MACROD2: variants seen among roughly 807,000 people sequenced by gnomAD.
MACROD2 encodes the protein mono-ADP ribosylhydrolase 2.
In MACROD2, 36 loss-of-function variants were observed where a neutral mutation model predicts 70.4. The observed-to-expected ratio is 0.51, with a 90% CI of 0.39 to 0.68. The LOEUF (loss-of-function observed/expected upper bound fraction) is 0.68. Among genes scored for constraint, MACROD2 ranks in the 30% least tolerant of loss-of-function variants. The probability of loss-of-function intolerance (pLI) is 0.00; values close to 1 mark genes in which losing one functional copy is unlikely to be tolerated. For synonymous variants in MACROD2, 172 were observed against 178.8 expected, an observed-to-expected ratio of 0.96 and a Z score of 0.30; for missense variants, 496 against 538.4, an observed-to-expected ratio of 0.92 and a Z score of 0.78.
intron 2 of MACROD2, among the ~76,000 whole-genome samples, chr20:14,044,014 A>G (rs1469492322): frequency 6.6e-6 from 1 of 152,244 alleles, no homozygotes; most frequent in Admixed American, 6.5e-5. Context: ...CGAGAAAGAC[A>G]CTGTGTCCTG....
intron 3 of MACROD2, among the ~76,000 whole-genome samples, chr20:14,187,786 CCTAT>C (rs2081356924): frequency 6.6e-6 from 1 of 152,130 alleles, no homozygotes; most frequent in African/African-American, 2.4e-5. Flanking sequence ...CTGTGCTCAG[CCTAT>C]CTGTTGGGAT....
At chr20:15,449,767 C>T (rs891978768) in intron 7 of MACROD2, among the ~76,000 whole-genome samples, 3 of 151,986 alleles carry the variant, frequency 2.0e-5, no homozygotes, top group Admixed American at 6.6e-5. Context: ...CCAAGGTGGG[C>T]GGATCACCTG....
At chr20:14,860,511 T>C (rs1490134468) in intron 5 of MACROD2, among the ~76,000 whole-genome samples, 2 of 152,070 alleles carry the variant, frequency 1.3e-5, no homozygotes, top group African/African-American at 4.8e-5. Context: ...CCGCTGCACC[T>C]CCCTCCCGGC....
intron 3 of MACROD2, among the ~76,000 whole-genome samples, chr20:14,234,637 G>T (rs1260479159): frequency 1.3e-5 from 2 of 152,140 alleles, no homozygotes; most frequent in African/African-American, 2.4e-5. Flanking sequence ...CTTTGCAGAT[G>T]AAATGGTTTC....
At chr20:15,972,547 C>T (rs576135659) in intron 13 of MACROD2, among the ~76,000 whole-genome samples, 214 of 152,288 alleles carry the variant, frequency 1.4e-3, no homozygotes, top group Middle Eastern at 3.4e-3. Context: ...CAGTGGCTTA[C>T]GCCAGTAATC....
At chr20:15,546,226 C>A (rs1012429458) in intron 8 of MACROD2, among the ~76,000 whole-genome samples, 1 of 152,124 alleles carries the variant, frequency 6.6e-6, no homozygotes, top group Non-Finnish European at 1.5e-5. Context: ...GCCTGGGCAA[C>A]AAGAGCAAAA....
chr20:15,111,134 A>AT (rs1356987249), intron 5 of MACROD2, among the ~76,000 whole-genome samples: 1 of 148,032 alleles, frequency 6.8e-6, no homozygotes, highest in African/African-American at 2.5e-5. Flanking sequence ...TATTTCAGAT[A>AT]TTTTTTACTT....
At chr20:15,157,938 G>A (rs935127146) in intron 5 of MACROD2, among the ~76,000 whole-genome samples, 4 of 152,076 alleles carry the variant, frequency 2.6e-5, no homozygotes, top group African/African-American at 9.7e-5. Context: ...GTGAACCTCA[G>A]GGTGCTTTAT....
At chr20:14,955,932 C>A (rs1299016465) in intron 5 of MACROD2, among the ~76,000 whole-genome samples, 2 of 152,038 alleles carry the variant, frequency 1.3e-5, no homozygotes, top group African/African-American at 2.4e-5. Flanking sequence ...TGAGATTAAC[C>A]ATATTTAGAA....
In MACROD2 at chr20:14,409,307, T is replaced by C. The variant is rs146386158; in HGVS notation, c.272-84172T>C. Among the ~76,000 whole-genome samples the C allele has an allele frequency of 6.0e-3, 913 of 152,206 alleles. 14 individuals are homozygous for C. Among genetic ancestry groups the C allele is most frequent in the African/African-American group, 0.02 (845 of 41,528 alleles). The stretch of plus-strand genomic sequence containing the variant: ...CATTCAGCTTTGACTTCTGTGATGG[T>C]ATCCCTACAACTGTACTTCTCAATG... On this transcript the variant is annotated intron_variant, in intron 3 of 17. Coordinates refer to ENST00000684519, the MANE Select transcript of MACROD2 (RefSeq NM_001351661.2).
rs371206318 is a variant in MACROD2 at position 14,327,093 on chromosome 20, G to A, written c.272-166386G>A. ...CTTCTATGCTAACTGCAGAGACAGAGTTGTCATCTAAATGTAATTCTTCCA... is the reference window on the plus strand; with the variant it reads ...CTTCTATGCTAACTGCAGAGACAGAATTGTCATCTAAATGTAATTCTTCCA... On this transcript the variant is annotated intron_variant, in intron 3 of 17. Transcript: ENST00000684519. The A allele has an allele frequency of 1.3e-5, 21 of 1,613,694 alleles. No individual in the cohort carries two copies. The African/African-American group carries it at 2.7e-4, about 21-fold the overall frequency.
intron 7 of MACROD2, among the ~76,000 whole-genome samples, chr20:15,457,400 AT>A (rs1170535981): frequency 6.6e-5 from 10 of 152,122 alleles, no homozygotes; most frequent in African/African-American, 2.2e-4. Flanking sequence ...TAGATGCATA[AT>A]CAGGCATAAT....
intron 5 of MACROD2, among the ~76,000 whole-genome samples, chr20:14,967,747 G>A (rs909621229): frequency 3.3e-5 from 5 of 152,050 alleles, no homozygotes; most frequent in Non-Finnish European, 7.4e-5. Flanking sequence ...TATGTGAGAA[G>A]TCTGCCAATT....
At chr20:15,920,961 G>A (rs567018024) in intron 10 of MACROD2, among the ~76,000 whole-genome samples, 2 of 152,230 alleles carry the variant, frequency 1.3e-5, no homozygotes, top group African/African-American at 4.8e-5. Context: ...TCTCTTTTCA[G>A]TCCATCCTGT....
intron 5 of MACROD2, among the ~76,000 whole-genome samples, chr20:15,116,923 T>C (rs942744799): frequency 7.2e-5 from 11 of 152,332 alleles, no homozygotes; most frequent in African/African-American, 2.6e-4. Flanking sequence ...TATATTCTTT[T>C]TAAAGAAGTT....
intron 8 of MACROD2, among the ~76,000 whole-genome samples, chr20:15,844,882 TATC>T (rs768591300): frequency 8.6e-5 from 13 of 152,024 alleles, no homozygotes; most frequent in East Asian, 3.9e-4. Context: ...TTATCAGAAA[TATC>T]ATGATGAAGA....
intron 4 of MACROD2, among the ~76,000 whole-genome samples, chr20:14,638,970 GAATT>G (rs1178192928): frequency 2.0e-5 from 3 of 149,266 alleles, no homozygotes; most frequent in Non-Finnish European, 4.4e-5. Flanking sequence ...AAAAAAGAAA[GAATT>G]AAATGAGTGA....
At chr20:14,704,585 C>T (rs1283621855) in intron 5 of MACROD2, among the ~76,000 whole-genome samples, 2 of 152,110 alleles carry the variant, frequency 1.3e-5, no homozygotes, top group Non-Finnish European at 2.9e-5. Flanking sequence ...GGAAGATATC[C>T]ACCTATTCAA....
intron 3 of MACROD2, among the ~76,000 whole-genome samples, chr20:14,298,482 C>T (rs1251965649): frequency 1.3e-5 from 2 of 151,084 alleles, no homozygotes; most frequent in African/African-American, 4.9e-5. Context: ...GCAGGAGAAT[C>T]ACTTGAACCC....
Sources: allele counts gnomAD v4.1 joint callset (sites outside exome capture counted in the v4.1 genomes callset), GRCh38; gene constraint gnomAD v4.1.1; transcripts MANE v1.5; gene names NCBI Gene and HGNC (gene_info 2026-07-23, HGNC 2026-07-21).